The following ADCY2 variants were observed in gnomAD, a reference collection of about 807,000 sequenced individuals.
ADCY2 encodes the protein adenylate cyclase 2.
ADCY2 carries 31 observed loss-of-function variants against 125.2 expected under a neutral mutation model. The ratio of observed to expected loss-of-function variants is 0.25; its 90% CI spans 0.19 to 0.33. The LOEUF (loss-of-function observed/expected upper bound fraction) is 0.33, where lower values mean the gene tolerates loss of function less well. Ranked by LOEUF, ADCY2 falls within the 10% of genes least tolerant of loss-of-function variation. The probability of loss-of-function intolerance (pLI) is 1.00; values close to 1 mark genes in which losing one functional copy is unlikely to be tolerated. For missense variants in ADCY2, 904 were observed against 1,418.2 expected, an observed-to-expected ratio of 0.64 and a Z score of 5.82; for synonymous variants, 512 against 548.4, an observed-to-expected ratio of 0.93 and a Z score of 0.93.
rs189185684 is a variant in ADCY2 at position 7,695,938 on chromosome 5, A to G, written c.981+75A>G. 10 of 940,544 alleles carry G rather than the reference A, an allele frequency of 1.1e-5. No individual in the cohort carries two copies. In the East Asian group the frequency reaches 2.3e-4, roughly 22 times the overall value. The allele number at this position is 940,544 out of a possible 1,614,324, so 58.3% of individuals were successfully genotyped here. A position where few individuals can be genotyped will look rare whatever the true frequency, so the allele number is the denominator to read the frequency against. On this transcript the variant is annotated intron_variant, in intron 6 of 24. Transcript: ENST00000338316. The stretch of plus-strand genomic sequence containing the variant: ...TTCGTTTTTCTTCATCCACCTATCA[A>G]TAGTTTACTTTTTCATAAAAGCATC...
At chr5:7,426,474 A>T (rs917923974) in intron 2 of ADCY2, among the ~76,000 whole-genome samples, 1 of 152,206 alleles carries the variant, frequency 6.6e-6, no homozygotes. Flanking sequence ...AGAGATGGAA[A>T]GACCAGGCAG....
intron 2 of ADCY2, among the ~76,000 whole-genome samples, chr5:7,469,685 T>G (rs1372045587): frequency 1.3e-5 from 2 of 151,880 alleles, no homozygotes; most frequent in South Asian, 2.1e-4. Context: ...ATGGTTTTTT[T>G]GCCTGTTCAT....
intron 4 of ADCY2, among the ~76,000 whole-genome samples, chr5:7,677,436 G>T (rs1183874910): frequency 6.6e-6 from 1 of 152,146 alleles, no homozygotes; most frequent in Non-Finnish European, 1.5e-5. Context: ...GGGAGGGCTT[G>T]GGACTTACGT....
intron 2 of ADCY2, among the ~76,000 whole-genome samples, chr5:7,431,781 T>C (rs1394109747): frequency 6.6e-6 from 1 of 152,168 alleles, no homozygotes; most frequent in Non-Finnish European, 1.5e-5. Context: ...AAAAATACTT[T>C]ATCATGGAAG....
At chr5:7,417,048 T>G (rs1389864136) in intron 2 of ADCY2, among the ~76,000 whole-genome samples, 2 of 152,228 alleles carry the variant, frequency 1.3e-5, no homozygotes, top group Non-Finnish European at 2.9e-5. Context: ...GAAAGATATT[T>G]AAAGCCTAAG....
intron 2 of ADCY2, among the ~76,000 whole-genome samples, chr5:7,458,035 T>C (rs1452876777): frequency 6.6e-6 from 1 of 152,192 alleles, no homozygotes; most frequent in Admixed American, 6.5e-5. Flanking sequence ...TTCTAAATGA[T>C]GACCTGCACA....
At chr5:7,622,775 C>T (rs138276821) in intron 3 of ADCY2, among the ~76,000 whole-genome samples, 1 of 152,202 alleles carries the variant, frequency 6.6e-6, no homozygotes, top group African/African-American at 2.4e-5. Context: ...GGACAAGAAA[C>T]GTTGGCCTGG....
chr5:7,696,906 G>A (rs1224162456), intron 6 of ADCY2, among the ~76,000 whole-genome samples: 1 of 152,166 alleles, frequency 6.6e-6, no homozygotes, highest in African/African-American at 2.4e-5. Flanking sequence ...GGTGAGTTTT[G>A]TGGGTGTTCA....
At chr5:7,732,804 C>CACTAAAGG (rs1191551486) in intron 14 of ADCY2, among the ~76,000 whole-genome samples, 1 of 152,250 alleles carries the variant, frequency 6.6e-6, no homozygotes, top group Admixed American at 6.5e-5. Flanking sequence ...TGGAAAGGAC[C>CACTAAAGG]ACTAAAGGGA....
chr5:7,565,620 T>A (rs555361141), intron 3 of ADCY2, among the ~76,000 whole-genome samples: 1 of 152,334 alleles, frequency 6.6e-6, no homozygotes, highest in South Asian at 2.1e-4. Flanking sequence ...ATAAAATTGA[T>A]TGTAGGCCAG....
intron 4 of ADCY2, chr5:7,658,094 G>A (rs1739400954): frequency 6.6e-6 from 1 of 152,270 alleles, no homozygotes; most frequent in African/African-American, 2.4e-5. Flanking sequence ...CAAAGAGGCA[G>A]ATATCAAAGC....
Position 7,418,647 on chromosome 5 carries a change from GTTTT to G in ADCY2, c.408+3900_408+3903del, listed in dbSNP as rs869287430. Among the ~76,000 whole-genome samples the G allele has an allele frequency of 8.6e-3, 635 of 73,632 alleles. 1 individual carries two copies. Among genetic ancestry groups the G allele is most frequent in the Non-Finnish European group, 0.012 (461 of 38,558 alleles). The allele number at this position is 73,632 out of a possible 152,430, so 48.3% of individuals were successfully genotyped here. Reference sequence around the variant, plus strand: ...AATTAAAAACAAAAGTCTACCTTCTGTTTTTTTTTTTTTTTTTTTTTTTTTTGAG... The same window carrying G: ...AATTAAAAACAAAAGTCTACCTTCTGTTTTTTTTTTTTTTTTTTTTTTGAG... On this transcript the variant is annotated intron_variant, in intron 2 of 24. Coordinates refer to ENST00000338316, the MANE Select transcript of ADCY2 (RefSeq NM_020546.3).
rs1418107831 is a variant in ADCY2, at chr5:7,513,172, G to A, written c.409-7566G>A. Among the ~76,000 whole-genome samples the A allele has an allele frequency of 2.0e-5, 3 of 151,872 alleles. No homozygotes were observed. In the East Asian group the frequency reaches 5.8e-4, roughly 29 times the overall value. ...AAAGATCTGGGGAGAGAGGAGAAGA[G>A]AAAAGAAGTTAAACTTGAGAAATAG... On this transcript the variant is annotated intron_variant, in intron 2 of 24. Transcript: ENST00000338316.
chr5:7,568,544 G>A (rs1050373073), intron 3 of ADCY2, among the ~76,000 whole-genome samples: 5 of 152,066 alleles, frequency 3.3e-5, no homozygotes, highest in African/African-American at 1.2e-4. Context: ...CACTGGGAGT[G>A]AAAACAGAGT....
Position 7,665,482 on chromosome 5 carries a change from T to A in ADCY2, c.721-25209T>A, listed in dbSNP as rs368762714. On this transcript the variant is annotated intron_variant, in intron 4 of 24. Transcript: ENST00000338316. Reference sequence around the variant, plus strand: ...TCGAAAGCAGAAAGTAGATTATCTATGAATTGATGCTGAGCAGTCCCACCT... The same window carrying A: ...TCGAAAGCAGAAAGTAGATTATCTAAGAATTGATGCTGAGCAGTCCCACCT... 5.9e-5 allele frequency among the ~76,000 whole-genome samples: 9 copies of A among 152,342 alleles called. No individual in the cohort carries two copies. In the East Asian group the frequency reaches 1.5e-3, roughly 26 times the overall value.
intron 4 of ADCY2, among the ~76,000 whole-genome samples, chr5:7,644,020 T>C (rs965677964): frequency 6.6e-6 from 1 of 152,090 alleles, no homozygotes. Flanking sequence ...TGTTATCCCT[T>C]GCTGATACAC....
chr5:7,759,909 T>C (rs1222871482), intron 16 of ADCY2, among the ~76,000 whole-genome samples: 1 of 100,676 alleles, frequency 9.9e-6, no homozygotes. Context: ...AAGAATAGGG[T>C]TGGGGGGTGG....
chr5:7,533,842 T>C (rs1734729516), intron 3 of ADCY2, among the ~76,000 whole-genome samples: 1 of 152,222 alleles, frequency 6.6e-6, no homozygotes, highest in South Asian at 2.1e-4. Context: ...AACTACATGT[T>C]GGTATGACCG....
At chr5:7,695,936 C>T (rs1740876617) in intron 6 of ADCY2, 73 bp downstream of exon 6, 2 of 943,796 alleles carry the variant, frequency 2.1e-6, no homozygotes, top group African/African-American at 3.4e-5. Context: ...ATCCACCTAT[C>T]AATAGTTTAC....
Sources: gnomAD v4.1 joint callset for allele counts (sites outside exome capture counted in the v4.1 genomes callset) on GRCh38, gnomAD v4.1.1 for gene constraint, MANE v1.5 for transcripts, NCBI Gene and HGNC (gene_info 2026-07-23, HGNC 2026-07-21) for gene names.